Variants in CD28 observed in about 807,000 individuals in gnomAD.
The protein encoded by CD28 is CD28 molecule.
CD28 carries 8 observed loss-of-function variants against 21.4 expected under a neutral mutation model. The observed-to-expected ratio is 0.37, with a 90% CI of 0.22 to 0.68. The LOEUF (loss-of-function observed/expected upper bound fraction) is 0.68, where lower values mean the gene tolerates loss of function less well. Ranked by LOEUF, CD28 falls within the 30% of genes least tolerant of loss-of-function variation. The pLI, the probability that CD28 is intolerant of heterozygous loss-of-function variation, is 0.55. For missense variants in CD28, 239 were observed against 272.2 expected, an observed-to-expected ratio of 0.88 and a Z score of 0.86; for synonymous variants, 106 against 104.0, an observed-to-expected ratio of 1.02 and a Z score of -0.12.
rs200956048 is a variant in CD28, at chr2:203,735,220, C to G, written c.*308C>G. 6.1e-6 allele frequency: 2 copies of G among 330,136 alleles called. No individual in the cohort carries two copies. The highest frequency in any genetic ancestry group is 1.1e-5 in the Non-Finnish European group (2 of 179,834). The allele number at this position is 330,136 out of a possible 1,614,324, so 20.5% of individuals were successfully genotyped here. A position where few individuals can be genotyped will look rare whatever the true frequency, so the allele number is the denominator to read the frequency against. On this transcript the variant is annotated 3_prime_UTR_variant, in exon 4 of 4. Transcript: ENST00000324106. The stretch of plus-strand genomic sequence containing the variant: ...ACAAAAAGGGAGTGGATTCTGGGAG[C>G]CTCTTCCCTTTCTCACTCACCTGCA...
intron 1 of CD28, among the ~76,000 whole-genome samples, chr2:203,710,391 C>T (rs1269536085): frequency 6.6e-6 from 1 of 152,142 alleles, no homozygotes; most frequent in Non-Finnish European, 1.5e-5. Context: ...ATATCAATAC[C>T]AGGAAATGGA....
intron 1 of CD28, among the ~76,000 whole-genome samples, chr2:203,722,511 TAAC>T (rs1359376327): frequency 1.3e-5 from 2 of 152,208 alleles, no homozygotes; most frequent in East Asian, 1.9e-4. Context: ...TAGCTGCTGA[TAAC>T]AACAATACAG....
At chr2:203,734,680 T>C in intron 3 of CD28, 104 bp from the exon 4 acceptor site, 2 of 1,396,598 alleles carry the variant, frequency 1.4e-6, no homozygotes, top group Non-Finnish European at 2.0e-6. Flanking sequence ...AGTGTTTTAG[T>C]GTCTCTGTCA....
intron 1 of CD28, among the ~76,000 whole-genome samples, chr2:203,725,616 A>C (rs557221099): frequency 6.6e-6 from 1 of 152,238 alleles, no homozygotes; most frequent in African/African-American, 2.4e-5. Context: ...TAAAGATTGA[A>C]CTAAATGCTC....
At chr2:203,729,856 T>C in intron 3 of CD28, 84 bp downstream of exon 3, 2 of 1,395,800 alleles carry the variant, frequency 1.4e-6, no homozygotes, top group Non-Finnish European at 2.0e-6. Flanking sequence ...CTATGTGGTT[T>C]ATTTTCTGTT....
At chr2:203,720,384 G>T (rs1318377145) in intron 1 of CD28, among the ~76,000 whole-genome samples, 1 of 152,176 alleles carries the variant, frequency 6.6e-6, no homozygotes, top group Non-Finnish European at 1.5e-5. Context: ...AAAATGGATG[G>T]GTTGACAATG....
Position 203,738,411 on chromosome 2 carries a change from T to G in CD28, c.*3499T>G, listed in dbSNP as rs1281350474. On this transcript the variant is annotated 3_prime_UTR_variant, in exon 4 of 4. Coordinates refer to ENST00000324106, the MANE Select transcript of CD28 (RefSeq NM_006139.4). ...AAGGACCCAGAACCAGGATCTTGAT[T>G]GCTATAGACTTATTAATAATCCAGG... The G allele has an allele frequency of 6.6e-6, 1 of 152,182 alleles. No homozygotes were observed. The highest frequency in any genetic ancestry group is 1.5e-5 in the Non-Finnish European group (1 of 68,024). 9.4% of individuals were successfully genotyped at this position (152,182 alleles called of 1,614,324 possible).
chr2:203,720,686 A>G (rs1365624812), intron 1 of CD28, among the ~76,000 whole-genome samples: 1 of 152,274 alleles, frequency 6.6e-6, no homozygotes, highest in Non-Finnish European at 1.5e-5. Context: ...GACCGAAAAT[A>G]CATATCAAAG....
intron 1 of CD28, among the ~76,000 whole-genome samples, chr2:203,713,777 C>T (rs1414452407): frequency 2.0e-5 from 3 of 151,192 alleles, no homozygotes; most frequent in Admixed American, 6.6e-5. Context: ...TAAATGTTTG[C>T]AAATGGCTGA....
At chr2:203,715,790 C>G (rs1431061823) in intron 1 of CD28, among the ~76,000 whole-genome samples, 1 of 152,122 alleles carries the variant, frequency 6.6e-6, no homozygotes, top group Admixed American at 6.5e-5. Context: ...ATACCCTTAC[C>G]CAGTGCGTGA....
At chr2:203,711,827 T>A (rs1693320325) in intron 1 of CD28, among the ~76,000 whole-genome samples, 1 of 152,184 alleles carries the variant, frequency 6.6e-6, no homozygotes, top group South Asian at 2.1e-4. Flanking sequence ...CTGATGGAAG[T>A]GTATCTCAAC....
At chr2:203,727,913 G>C (rs1440469858) in intron 2 of CD28, among the ~76,000 whole-genome samples, 1 of 152,088 alleles carries the variant, frequency 6.6e-6, no homozygotes, top group African/African-American at 2.4e-5. Flanking sequence ...TCCTGACCTC[G>C]TGACCCGCCC....
At chr2:203,707,174 C>G (rs1194441204) in intron 1 of CD28, among the ~76,000 whole-genome samples, 3 of 151,766 alleles carry the variant, frequency 2.0e-5, no homozygotes, top group Non-Finnish European at 4.4e-5. Context: ...TCGTTTCTTT[C>G]TTTCTTTCTT....
chr2:203,716,189 C>G (rs1038844226), intron 1 of CD28, among the ~76,000 whole-genome samples: 2 of 152,146 alleles, frequency 1.3e-5, no homozygotes, highest in African/African-American at 4.8e-5. Context: ...CTGCCAGTTC[C>G]CAATAAACTC....
intron 3 of CD28, among the ~76,000 whole-genome samples, chr2:203,731,580 C>T (rs1693890028): frequency 6.6e-6 from 1 of 152,106 alleles, no homozygotes; most frequent in Admixed American, 6.5e-5. Flanking sequence ...CTTCAATGGC[C>T]AGAGGACACT....
In CD28 at chr2:203,736,767, G is replaced by A. The variant is rs1694046865; in HGVS notation, c.*1855G>A. 1 of 152,204 alleles carries A rather than the reference G, an allele frequency of 6.6e-6. No homozygotes were observed. The highest frequency in any genetic ancestry group is 1.5e-5 in the Non-Finnish European group (1 of 68,046). The allele number at this position is 152,204 out of a possible 1,614,324, so 9.4% of individuals were successfully genotyped here. On this transcript the variant is annotated 3_prime_UTR_variant, in exon 4 of 4. Transcript: ENST00000324106. ...AGGCAAGTCACTGCCCACCTAAGATGATGGTTCTTCAACTATAAAATGGAG... is the reference window on the plus strand; with the variant it reads ...AGGCAAGTCACTGCCCACCTAAGATAATGGTTCTTCAACTATAAAATGGAG...
At chr2:203,725,555 G>A (rs1409851675) in intron 1 of CD28, among the ~76,000 whole-genome samples, 2 of 151,900 alleles carry the variant, frequency 1.3e-5, no homozygotes, top group Non-Finnish European at 2.9e-5. Context: ...TGAGATCAAT[G>A]TGTTCTCTTC....
chr2:203,723,495 A>T (rs1356179029), intron 1 of CD28, among the ~76,000 whole-genome samples: 2 of 152,222 alleles, frequency 1.3e-5, no homozygotes, highest in South Asian at 2.1e-4. Context: ...AAAATAAAAA[A>T]AAAAAAGTAT....
chr2:203,724,253 T>C (rs982898721), intron 1 of CD28, among the ~76,000 whole-genome samples: 6 of 152,132 alleles, frequency 3.9e-5, no homozygotes, highest in African/African-American at 1.4e-4. Flanking sequence ...TGATGGTAAA[T>C]GGGTATGGTA....
Sources: allele counts gnomAD v4.1 joint callset (sites outside exome capture counted in the v4.1 genomes callset), GRCh38; gene constraint gnomAD v4.1.1; transcripts MANE v1.5; gene names NCBI Gene and HGNC (gene_info 2026-07-23, HGNC 2026-07-21).